Variants in MFSD12 observed in about 807,000 individuals in gnomAD.
The protein encoded by MFSD12 is major facilitator superfamily domain containing 12.
A neutral mutation model predicts 51.2 loss-of-function variants in MFSD12; 67 were observed. That is an observed-to-expected ratio of 1.31 (90% confidence interval 1.08 to 1.60). The LOEUF is 1.60. Ranked by LOEUF, MFSD12 falls within the 40% of genes most tolerant of loss-of-function variation. The pLI, the probability that MFSD12 is intolerant of heterozygous loss-of-function variation, is 0.00. For synonymous variants in MFSD12, 441 were observed against 316.7 expected (o/e 1.39, Z -4.17); for missense variants, 921 against 673.0 (o/e 1.37, Z -4.08).
At chr19:3,543,935 G>C (rs907294128), downstream of MFSD12, 6 of 1,551,044 alleles carry the variant, frequency 3.9e-6, no homozygotes, top group African/African-American at 2.7e-5. Flanking sequence ...AGAACTACCG[G>C]GAGTGGGTCC....
chr19:3,544,912 C>A lies in MFSD12; in HGVS notation c.1317G>T (p.Val439=), dbSNP rs1301252362. 6.2e-7 allele frequency: 1 copy of A among 1,610,886 alleles called. No homozygotes were observed. The highest frequency in any genetic ancestry group is 8.5e-7 in the Non-Finnish European group (1 of 1,179,340). ...CPSELCCRAC[V]SFYHWAMVAV... is the part of the protein sequence containing the mutation. ...CCACCATCGCCCAGTGGTAAAAGCT[C>A]ACGCAGGCCCTGCAGCAGAGCTCTG... The change falls in exon 9 of 10, where the codon GTG becomes GTT. Residue 439 remains valine (V), a synonymous_variant. Coordinates refer to ENST00000355415, the MANE Select transcript of MFSD12 (RefSeq NM_174983.5).
intron 1 of MFSD12, among the ~76,000 whole-genome samples, chr19:3,555,840 C>A (rs1351017143): frequency 6.6e-6 from 1 of 152,198 alleles, no homozygotes; most frequent in Non-Finnish European, 1.5e-5. Context: ...GCCGGCACTT[C>A]TGTGAGGGCA....
chr19:3,545,942 A>G (rs534593574), intron 8 of MFSD12, 132 bp downstream of exon 8: 13 of 871,186 alleles, frequency 1.5e-5, no homozygotes, highest in South Asian at 1.0e-4. Context: ...TCCCCTGCCT[A>G]TGACTCCCAT....
chr19:3,543,115 G>A (rs2030567196), downstream of MFSD12: 1 of 1,523,992 alleles, frequency 6.6e-7, no homozygotes, highest in African/African-American at 1.4e-5. Context: ...AAGTGGCGAG[G>A]GAGGGAGACC....
Position 3,539,185 on chromosome 19 carries a change from C to T in MFSD12, c.*6-429G>A, listed in dbSNP as rs577683034. 9 of 1,550,350 alleles carry T rather than the reference C, an allele frequency of 5.8e-6. No individual in the cohort carries two copies. The South Asian group carries it at 9.5e-5, about 16-fold the overall frequency. ...CGGGGGATCCAGGCAGACATGCAAACCCTCAGGCAAGAGGCTGCACGGCCC... is the reference window on the plus strand; with the variant it reads ...CGGGGGATCCAGGCAGACATGCAAATCCTCAGGCAAGAGGCTGCACGGCCC... On this transcript the variant is annotated intron_variant, in intron 4 of 4. Transcript: ENST00000398558.
chr19:3,549,023 G>T (rs890414865), intron 2 of MFSD12, among the ~76,000 whole-genome samples: 5 of 152,298 alleles, frequency 3.3e-5, no homozygotes, highest in Admixed American at 6.5e-5. Flanking sequence ...GCACCAGCTG[G>T]GGCCGAGTCC....
At chr19:3,556,229 C>A (rs930910192) in intron 1 of MFSD12, among the ~76,000 whole-genome samples, 42 of 152,222 alleles carry the variant, frequency 2.8e-4, no homozygotes, top group African/African-American at 1.0e-3. Context: ...TGTCCCTCAG[C>A]CATAGCTGTC....
intron 8 of MFSD12, among the ~76,000 whole-genome samples, chr19:3,545,387 G>C (rs548986934): frequency 2.5e-3 from 379 of 152,176 alleles, no homozygotes; most frequent in Non-Finnish European, 4.2e-3. Flanking sequence ...GGCCCTGCAC[G>C]ACCTGCCCTC....
At chr19:3,546,891 T>C (rs957614445) in intron 6 of MFSD12, among the ~76,000 whole-genome samples, 1 of 151,822 alleles carries the variant, frequency 6.6e-6, no homozygotes, top group African/African-American at 2.4e-5. Flanking sequence ...TGGAGTGCAG[T>C]GGTGTGATCT....
chr19:3,538,917 C>A, intron 4 of MFSD12: 1 of 661,502 alleles, frequency 1.5e-6, no homozygotes. Flanking sequence ...AAGCCAGACC[C>A]CAGGTGGGGG....
downstream of MFSD12, chr19:3,539,206 G>T (rs199625708): frequency 2.6e-6 from 4 of 1,549,374 alleles, no homozygotes; most frequent in South Asian, 4.8e-5. Context: ...GAGGCTGCAC[G>T]GCCCTGTATC....
chr19:3,551,220 CG>C lies in MFSD12; in HGVS notation c.299-27del, dbSNP rs752223191. The C allele has an allele frequency of 5.8e-6, 9 of 1,551,516 alleles. No homozygotes were observed. The African/African-American group carries it at 1.2e-4, about 21-fold the overall frequency. ...CTGTGGAAGGCAGAGTGGTCAGTCGCGGGGCTGTCCCGCACCAGCCAGGGCT... is the reference window on the plus strand; with the variant it reads ...CTGTGGAAGGCAGAGTGGTCAGTCGCGGGCTGTCCCGCACCAGCCAGGGCT... On this transcript the variant is annotated intron_variant, in intron 1 of 9. Coordinates refer to ENST00000355415, the MANE Select transcript of MFSD12 (RefSeq NM_174983.5). The surrounding 1 kb of genome is among the most constrained non-coding windows in gnomAD (Gnocchi z 4.6).
At chr19:3,548,376 G>C in intron 2 of MFSD12, 109 bp from the exon 3 acceptor site, 2 of 1,413,610 alleles carry the variant, frequency 1.4e-6, no homozygotes, top group Non-Finnish European at 1.9e-6. Context: ...ACTGACAGGT[G>C]ATTCCAACCA....
chr19:3,554,017 G>A (rs375818905), intron 1 of MFSD12, among the ~76,000 whole-genome samples: 2 of 151,994 alleles, frequency 1.3e-5, no homozygotes, highest in South Asian at 4.1e-4. Context: ...AGGAGGTTGA[G>A]GTTGCAGTGA....
rs2031787410 is a variant in MFSD12 at position 3,557,345 on chromosome 19, A to T, written c.59T>A (p.Val20Glu). 2 of 1,536,480 alleles carry T rather than the reference A, an allele frequency of 1.3e-6. No individual in the cohort carries two copies. The highest frequency in any genetic ancestry group is 1.7e-6 in the Non-Finnish European group (2 of 1,144,252). The change falls in exon 1 of 10, where the codon GTG becomes GAG. Residue 20 changes from valine to glutamate, a missense_variant. Val to Glu is a moderately radical substitution (Grantham distance 121, BLOSUM62 -2). Coordinates refer to ENST00000355415, the MANE Select transcript of MFSD12 (RefSeq NM_174983.5). ...GCCCACGGCGTAGCTCAGCCGCGCCACCAGGGACAGCGGCCGCGGGGACGG... is the reference window on the plus strand; with the variant it reads ...GCCCACGGCGTAGCTCAGCCGCGCCTCCAGGGACAGCGGCCGCGGGGACGG... ...AAPSPRPLSL[V>E]ARLSYAVGHF... is the part of the protein sequence containing the mutation.
chr19:3,539,252 G>T (rs779440552), downstream of MFSD12: 30 of 1,548,168 alleles, frequency 1.9e-5, no homozygotes, highest in Non-Finnish European at 2.4e-5. Flanking sequence ...TCCCAGCACC[G>T]CTGTACAGGT....
rs1321963531 is a variant in MFSD12, at chr19:3,546,390, G to C, written c.1059C>G (p.Ala353=). ...TYFSGLLVIL[A]FAAWVALAEG... is the part of the protein sequence containing the mutation. ...CCGCCAGCGCCACCCAGGCGGCAAA[G>C]GCCAGGATCACCAGGAGGCCTGAGA... Residue 353 remains alanine, a synonymous_variant, in exon 7 of 10, where the codon GCC becomes GCG. Transcript: ENST00000355415. 1 of 1,608,376 alleles carries C rather than the reference G, an allele frequency of 6.2e-7. No individual in the cohort carries two copies.
downstream of MFSD12, chr19:3,539,487 GC>G (rs1314788554): frequency 1.9e-6 from 1 of 540,534 alleles, no homozygotes; most frequent in East Asian, 2.9e-5. Flanking sequence ...TGTGTCTGCG[GC>G]CGTCTCCAAG....
Position 3,548,224 on chromosome 19 carries a change from C to T in MFSD12, c.553G>A (p.Ala185Thr), listed in dbSNP as rs909347011. Reference sequence around the variant, plus strand: ...CCCTGCAGGTGCAGCAGGAGCCAGGCGGCGCCGTAGACGGTGATGTTGGCC... The same window carrying T: ...CCCTGCAGGTGCAGCAGGAGCCAGGTGGCGCCGTAGACGGTGATGTTGGCC... ...VVANITVYGAAWLLLHLQGSS... is the reference protein window; with the variant it reads ...VVANITVYGATWLLLHLQGSS... The change falls in exon 3 of 10, where the codon GCC becomes ACC. Residue 185 changes from alanine (A) to threonine (T), a missense_variant. Physicochemically the swap from Ala to Thr is moderately conservative, Grantham distance 58 (BLOSUM62 0). Coordinates refer to ENST00000355415, the MANE Select transcript of MFSD12 (RefSeq NM_174983.5). 1.5e-5 allele frequency: 24 copies of T among 1,554,756 alleles called. No homozygotes were observed. Among genetic ancestry groups the T allele is most frequent in the Non-Finnish European group, 1.9e-5 (22 of 1,150,278 alleles).
Sources: gnomAD v4.1 joint callset for allele counts (sites outside exome capture counted in the v4.1 genomes callset) on GRCh38, gnomAD v4.1.1 for gene constraint, Gnocchi (gnomAD v3.1) non-coding constraint, MANE v1.5 for transcripts, NCBI Gene and HGNC (gene_info 2026-07-23, HGNC 2026-07-21) for gene names.